The following RPS6KA2 variants were observed in gnomAD, a reference collection of about 807,000 sequenced individuals.
RPS6KA2 encodes ribosomal protein S6 kinase A2.
RPS6KA2 carries 42 observed loss-of-function variants against 91.8 expected under a neutral mutation model. The ratio of observed to expected loss-of-function variants is 0.46; its 90% confidence interval spans 0.36 to 0.59. The LOEUF (loss-of-function observed/expected upper bound fraction) is 0.59. RPS6KA2 is among the 20% of genes least tolerant of loss of function. RPS6KA2 has a pLI of 0.00. For missense variants in RPS6KA2, 798 were observed against 978.5 expected, an observed-to-expected ratio of 0.82 and a Z score of 2.46; for synonymous variants, 414 against 393.6, an observed-to-expected ratio of 1.05 and a Z score of -0.61.
At chr6:166,843,579 C>T (rs752839017) in intron 2 of RPS6KA2, among the ~76,000 whole-genome samples, 8 of 152,188 alleles carry the variant, frequency 5.3e-5, no homozygotes, top group African/African-American at 9.7e-5. Flanking sequence ...GACGTGAAGA[C>T]GGATCACATC....
intron 2 of RPS6KA2, among the ~76,000 whole-genome samples, chr6:166,671,656 C>T (rs1788476195): frequency 6.6e-6 from 1 of 150,782 alleles, no homozygotes; most frequent in African/African-American, 2.4e-5. Context: ...TGTCAACATC[C>T]ACTTTCTTCT....
chr6:166,464,166 T>A (rs1780433846), intron 11 of RPS6KA2, among the ~76,000 whole-genome samples: 1 of 152,104 alleles, frequency 6.6e-6, no homozygotes. Context: ...ATACTCCACT[T>A]GTGGGCAAGA....
chr6:166,627,234 T>C lies in RPS6KA2; in HGVS notation c.-215A>G. ...CACAATCGCTCCCTCCGCCTCCTTCTCCGCCTCCCCTGCGAGTACCAGCGC... is the reference window on the plus strand; with the variant it reads ...CACAATCGCTCCCTCCGCCTCCTTCCCCGCCTCCCCTGCGAGTACCAGCGC... On this transcript the variant is annotated 5_prime_UTR_variant, in exon 1 of 21. Transcript: ENST00000265678. 9.8e-7 allele frequency: 1 copy of C among 1,021,464 alleles called. No individual in the cohort carries two copies. 63.3% of individuals were successfully genotyped at this position (1,021,464 alleles called of 1,614,324 possible).
At chr6:166,633,701 G>A (rs995024223) in intron 2 of RPS6KA2, among the ~76,000 whole-genome samples, 5 of 152,192 alleles carry the variant, frequency 3.3e-5, no homozygotes, top group Non-Finnish European at 7.3e-5. Context: ...AATGCTGTGA[G>A]ATTATAATTA....
At chr6:166,680,781 C>G (rs190902277) in intron 2 of RPS6KA2, among the ~76,000 whole-genome samples, 5 of 152,356 alleles carry the variant, frequency 3.3e-5, no homozygotes, top group East Asian at 3.9e-4. Context: ...CTGTAACACT[C>G]ATCACTAGGG....
chr6:166,648,238 ACATT>A lies in RPS6KA2; in HGVS notation c.124-109458_124-109455del, dbSNP rs1787729288. Among the ~76,000 whole-genome samples the A allele has an allele frequency of 6.7e-6, 1 of 148,848 alleles. No homozygotes were observed. The highest frequency in any genetic ancestry group is 2.0e-4 in the East Asian group (1 of 5,000). ...CACACACGCACATGCGCACACACACACATTCACACAGGCACACACACTCATGTTC... is the reference window on the plus strand; with the variant it reads ...CACACACGCACATGCGCACACACACACACACAGGCACACACACTCATGTTC... On this transcript the variant is annotated intron_variant, in intron 2 of 21. Transcript: ENST00000503859. This position sits in a 1 kb window ranked among gnomAD's most constrained non-coding sequence, Gnocchi z 4.8.
At chr6:166,730,961 C>T (rs1156895662) in intron 2 of RPS6KA2, among the ~76,000 whole-genome samples, 2 of 152,052 alleles carry the variant, frequency 1.3e-5, no homozygotes, top group East Asian at 3.9e-4. Context: ...AGATGTCATC[C>T]GCCGGGTGCA....
intron 2 of RPS6KA2, among the ~76,000 whole-genome samples, chr6:166,686,555 A>G (rs944956643): frequency 2.6e-5 from 4 of 152,160 alleles, no homozygotes; most frequent in African/African-American, 4.8e-5. Context: ...CCATCAGTGC[A>G]TCTGATCCTG....
intron 1 of RPS6KA2, chr6:166,544,838 A>G (rs1783774868): frequency 6.6e-6 from 1 of 152,234 alleles, no homozygotes; most frequent in African/African-American, 2.4e-5. Flanking sequence ...TCAATTCCTT[A>G]GGAAACCATT....
rs774051770 is a variant in RPS6KA2 at position 166,733,494 on chromosome 6, A to C, written c.123+124706T>G. 1.3e-5 allele frequency among the ~76,000 whole-genome samples: 2 copies of C among 152,240 alleles called. No individual in the cohort carries two copies. The highest frequency in any genetic ancestry group is 1.5e-5 in the Non-Finnish European group (1 of 68,046). ...AGTACGAGTTTTGGGTACTAACCCC[A>C]TGGCTGACCTTTCTGATCTTTCCTC... On this transcript the variant is annotated intron_variant, in intron 2 of 21. Coordinates refer to the RPS6KA2 transcript ENST00000503859. This position sits in a 1 kb window ranked among gnomAD's most constrained non-coding sequence, Gnocchi z 4.1.
chr6:166,855,462 G>A (rs13198712), intron 2 of RPS6KA2, among the ~76,000 whole-genome samples: 85,873 of 127,514 alleles, frequency 0.67, 28,675 homozygotes, highest in Non-Finnish European at 0.75. Context: ...AAGAAGAAGA[G>A]GAAGAGGAAG....
chr6:166,477,227 G>A (rs1242242458), intron 10 of RPS6KA2, among the ~76,000 whole-genome samples: 2 of 152,098 alleles, frequency 1.3e-5, no homozygotes, highest in African/African-American at 4.8e-5. Flanking sequence ...ACCTGTGGGA[G>A]GGTCCACAGC....
At chr6:166,712,488 C>T (rs886904151) in intron 2 of RPS6KA2, among the ~76,000 whole-genome samples, 1 of 152,250 alleles carries the variant, frequency 6.6e-6, no homozygotes, top group Non-Finnish European at 1.5e-5. Flanking sequence ...GGCTTTGCAG[C>T]TATTCCTTTC....
intron 2 of RPS6KA2, among the ~76,000 whole-genome samples, chr6:166,842,084 C>T (rs755837532): frequency 6.6e-6 from 1 of 152,130 alleles, no homozygotes; most frequent in Non-Finnish European, 1.5e-5. Context: ...ATCAGGTCAG[C>T]GTGCAACTCA....
chr6:166,637,371 G>A (rs539965779), intron 2 of RPS6KA2, among the ~76,000 whole-genome samples: 2 of 152,374 alleles, frequency 1.3e-5, no homozygotes, highest in East Asian at 3.9e-4. Flanking sequence ...TCAGGCTGGG[G>A]AAGAGAGGAG....
rs1784124940 is a variant in RPS6KA2, at chr6:166,554,620, G to C, written c.100-15836C>G. ...CTGGCACGCGGGTGGCCATGGGGGG[G>C]TGGGGGTCCCACTCCAGCACAGGAC... On this transcript the variant is annotated intron_variant, in intron 1 of 20. Coordinates refer to ENST00000265678, the MANE Select transcript of RPS6KA2 (RefSeq NM_021135.6). The surrounding 1 kb of genome is among the most constrained non-coding windows in gnomAD (Gnocchi z 4.3). 6.6e-6 allele frequency among the ~76,000 whole-genome samples: 1 copy of C among 152,224 alleles called. No individual in the cohort carries two copies. Among genetic ancestry groups the C allele is most frequent in the South Asian group, 2.1e-4 (1 of 4,830 alleles).
rs1781157887 is a variant in RPS6KA2, at chr6:166,480,479, T to TTATATATATATATAATATATATA, written c.907+8353_907+8354insTATATATATTATATATATATATA. On this transcript the variant is annotated intron_variant, in intron 10 of 20. Transcript: ENST00000265678. ...TCTTATATTCCTTAAGATTGTGATT[T>TTATATATATATATAATATATATA]TATATATATATATATATATATATAT... is the stretch of plus-strand genomic sequence containing the variant. Among the ~76,000 whole-genome samples, 69 of 99,850 alleles carry TTATATATATATATAATATATATA rather than the reference T, an allele frequency of 6.9e-4. 1 individual carries two copies. The highest frequency in any genetic ancestry group is 3.1e-3 in the African/African-American group (64 of 20,974). 65.5% of individuals were successfully genotyped at this position (99,850 alleles called of 152,430 possible).
At chr6:166,503,397 G>C (rs567434341) in intron 6 of RPS6KA2, among the ~76,000 whole-genome samples, 2 of 152,388 alleles carry the variant, frequency 1.3e-5, no homozygotes, top group South Asian at 4.1e-4. Context: ...AACAACACCA[G>C]CTTCGGAGCA....
chr6:166,723,214 G>A (rs1199576144), intron 2 of RPS6KA2, among the ~76,000 whole-genome samples: 1 of 152,202 alleles, frequency 6.6e-6, no homozygotes, highest in Non-Finnish European at 1.5e-5. Flanking sequence ...CTGCCATCCT[G>A]GCTCAGTGCC....
Sources: allele counts gnomAD v4.1 joint callset (sites outside exome capture counted in the v4.1 genomes callset), GRCh38; gene constraint gnomAD v4.1.1; non-coding constraint Gnocchi (gnomAD v3.1); transcripts MANE v1.5; gene names NCBI Gene and HGNC (gene_info 2026-07-23, HGNC 2026-07-21).